The following DOCK1 variants were observed in gnomAD, a reference collection of about 807,000 sequenced individuals.
DOCK1 encodes the protein dedicator of cytokinesis 1, also known as dedicator of cytokinesis protein 1.
Under a neutral mutation model 262.7 loss-of-function variants are expected in DOCK1, and 138 were observed. The ratio of observed to expected loss-of-function variants is 0.53; its 90% CI spans 0.46 to 0.61. DOCK1 has a LOEUF of 0.61. Ranked by LOEUF, DOCK1 falls within the 20% of genes least tolerant of loss-of-function variation. DOCK1 has a pLI of 0.00. For missense variants in DOCK1, 1,908 were observed against 2,370.7 expected (o/e 0.80, Z 4.05); for synonymous variants, 866 against 867.4 (o/e 1.00, Z 0.03).
intron 31 of DOCK1, among the ~76,000 whole-genome samples, chr10:127,348,714 A>G (rs2063753719): frequency 6.6e-6 from 1 of 152,176 alleles, no homozygotes; most frequent in African/African-American, 2.4e-5. Context: ...AGGTTTCACA[A>G]TGGGACCAAA....
intron 29 of DOCK1, among the ~76,000 whole-genome samples, chr10:127,315,089 G>A (rs1054527073): frequency 6.6e-6 from 1 of 152,126 alleles, no homozygotes; most frequent in Admixed American, 6.5e-5. Flanking sequence ...GTCATAGGGT[G>A]GGCTAAGCCA....
intron 1 of DOCK1, among the ~76,000 whole-genome samples, chr10:126,967,784 C>T (rs1401118540): frequency 6.6e-6 from 1 of 152,148 alleles, no homozygotes; most frequent in Non-Finnish European, 1.5e-5. Context: ...CTGGATTGAT[C>T]CAGGATTAAC....
chr10:127,405,724 A>G (rs574028684), intron 40 of DOCK1, among the ~76,000 whole-genome samples: 1 of 152,264 alleles, frequency 6.6e-6, no homozygotes, highest in East Asian at 1.9e-4. Context: ...GGAGCACCAC[A>G]GTTCTGGCCT....
intron 1 of DOCK1, among the ~76,000 whole-genome samples, chr10:126,927,647 T>C (rs2033853531): frequency 6.6e-6 from 1 of 152,076 alleles, no homozygotes; most frequent in African/African-American, 2.4e-5. Context: ...TTGTTGGTCG[T>C]GCTGGCCTCG....
chr10:127,126,591 C>A (rs904007620), intron 26 of DOCK1, among the ~76,000 whole-genome samples: 1 of 152,054 alleles, frequency 6.6e-6, no homozygotes, highest in Non-Finnish European at 1.5e-5. Flanking sequence ...AAATAAAAAG[C>A]AAGTTTGTGC....
chr10:127,025,401 G>A (rs2042762058), intron 15 of DOCK1: 1 of 152,170 alleles, frequency 6.6e-6, no homozygotes, highest in Admixed American at 6.5e-5. Context: ...CACCACAGCT[G>A]TGGAAGGAAT....
chr10:126,993,440 C>T (rs1451783917), intron 6 of DOCK1, among the ~76,000 whole-genome samples: 1 of 152,204 alleles, frequency 6.6e-6, no homozygotes, highest in Non-Finnish European at 1.5e-5. Flanking sequence ...CACACCAGCA[C>T]AAACCATGCC....
At chr10:127,186,809 G>C (rs1158630048) in intron 27 of DOCK1, among the ~76,000 whole-genome samples, 1 of 152,110 alleles carries the variant, frequency 6.6e-6, no homozygotes, top group Non-Finnish European at 1.5e-5. Flanking sequence ...TATAAAGAGA[G>C]AGAGGTTGTT....
intron 27 of DOCK1, among the ~76,000 whole-genome samples, chr10:127,187,728 G>GAGAA (rs199545105): frequency 1.4e-3 from 166 of 119,430 alleles, no homozygotes; most frequent in African/African-American, 4.1e-3. Context: ...AGAAGAAAGA[G>GAGAA]AGAAAGAAAG....
At chr10:127,327,612 A>G (rs2062799165) in intron 29 of DOCK1, among the ~76,000 whole-genome samples, 2 of 152,216 alleles carry the variant, frequency 1.3e-5, no homozygotes, top group Admixed American at 1.3e-4. Context: ...AACTTTGCCC[A>G]CTGCAAGCTG....
At chr10:127,006,504 C>T (rs1012923730) in intron 10 of DOCK1, among the ~76,000 whole-genome samples, 1 of 152,196 alleles carries the variant, frequency 6.6e-6, no homozygotes, top group African/African-American at 2.4e-5. Flanking sequence ...TCCTTTATTT[C>T]CTCCTTTGGT....
intron 46 of DOCK1, among the ~76,000 whole-genome samples, chr10:127,425,034 T>C (rs1255407996): frequency 6.6e-6 from 1 of 151,332 alleles, no homozygotes; most frequent in Non-Finnish European, 1.5e-5. Flanking sequence ...GTACTTATTA[T>C]CGTTCATACT....
At chr10:127,014,079 A>C (rs1474346639) in intron 12 of DOCK1, among the ~76,000 whole-genome samples, 1 of 152,240 alleles carries the variant, frequency 6.6e-6, no homozygotes, top group Non-Finnish European at 1.5e-5. Context: ...ACCTCTGTCC[A>C]CATGCGCCTC....
intron 44 of DOCK1, 128 bp downstream of exon 44, chr10:127,415,366 C>T (rs570840160): frequency 8.7e-5 from 71 of 812,786 alleles, no homozygotes; most frequent in South Asian, 8.2e-4. Context: ...CTACAGTTCC[C>T]ATAACCACCC....
At chr10:127,300,420 C>A (rs978193537) in intron 29 of DOCK1, among the ~76,000 whole-genome samples, 1 of 152,074 alleles carries the variant, frequency 6.6e-6, no homozygotes, top group Non-Finnish European at 1.5e-5. Flanking sequence ...AGAAAAGATT[C>A]TATGTTCTAG....
Position 127,107,876 on chromosome 10 carries a change from C to T in DOCK1, c.2516+1575C>T, listed in dbSNP as rs189303076. Among the ~76,000 whole-genome samples the T allele has an allele frequency of 1.1e-3, 161 of 152,358 alleles. 1 individual carries two copies. Among genetic ancestry groups the T allele is most frequent in the Non-Finnish European group, 1.7e-3 (117 of 68,044 alleles). The stretch of plus-strand genomic sequence containing the variant: ...TCTCATGGTGCACACAGATCAGCTC[C>T]GCACCCGCGGAGGGGTATCGTCGAT... On this transcript the variant is annotated intron_variant, in intron 24 of 51. Coordinates refer to ENST00000623213, the MANE Select transcript of DOCK1 (RefSeq NM_001290223.2).
In DOCK1 at chr10:127,023,190, C is replaced by G. The variant is rs1385756080; in HGVS notation, c.1328-10C>G. ...ATTGTTTTTTAAATGTATGATTTCT[C>G]CCCCCTCAGGTGATGTTCGAAATGA... On this transcript the variant is annotated splice_polypyrimidine_tract_variant and intron_variant, in intron 13 of 51. Coordinates refer to ENST00000623213, the MANE Select transcript of DOCK1 (RefSeq NM_001290223.2). The G allele has an allele frequency of 2.2e-5, 36 of 1,611,354 alleles. No homozygotes were observed. Among genetic ancestry groups the G allele is most frequent in the Non-Finnish European group, 3.1e-5 (36 of 1,178,842 alleles).
chr10:127,165,086 A>G (rs2053958139), intron 27 of DOCK1, among the ~76,000 whole-genome samples: 1 of 152,324 alleles, frequency 6.6e-6, no homozygotes, highest in South Asian at 2.1e-4. Context: ...TATTAAACCA[A>G]ATTTTCCTTC....
At chr10:126,990,391 C>G in intron 5 of DOCK1, 64 bp from the exon 6 acceptor site, 2 of 1,496,634 alleles carry the variant, frequency 1.3e-6, no homozygotes, top group Non-Finnish European at 9.0e-7. Flanking sequence ...GATAGCCATT[C>G]TCTACCATCT....
Sources: gnomAD v4.1 joint callset for allele counts (sites outside exome capture counted in the v4.1 genomes callset) on GRCh38, gnomAD v4.1.1 for gene constraint, MANE v1.5 for transcripts, NCBI Gene and HGNC (gene_info 2026-07-23, HGNC 2026-07-21) for gene names.